The following SPATA17 variants were observed in gnomAD, a reference collection of about 807,000 sequenced individuals.
SPATA17 encodes spermatogenesis-associated protein 17.
In SPATA17, 53 loss-of-function variants were observed where a neutral mutation model predicts 62.2. The ratio of observed to expected loss-of-function variants is 0.85; its 90% CI spans 0.68 to 1.07. The LOEUF (loss-of-function observed/expected upper bound fraction) is 1.07, where lower values mean the gene tolerates loss of function less well. Among genes scored for constraint, SPATA17 ranks in the 50% least tolerant of loss-of-function variants. The pLI, the probability that SPATA17 is intolerant of heterozygous loss-of-function variation, is 0.00. For synonymous variants in SPATA17, 146 were observed against 146.8 expected (o/e 0.99, Z 0.04); for missense variants, 466 against 425.5 (o/e 1.10, Z -0.84).
intron 8 of SPATA17, 75 bp downstream of exon 8, chr1:217,782,397 T>C: frequency 7.1e-7 from 1 of 1,415,818 alleles, no homozygotes; most frequent in East Asian, 2.6e-5. Context: ...TATTTTCTAA[T>C]ACTGTAAAAA....
At chr1:217,730,705 T>C (rs1233336530) in intron 5 of SPATA17, among the ~76,000 whole-genome samples, 1 of 152,172 alleles carries the variant, frequency 6.6e-6, no homozygotes, top group Non-Finnish European at 1.5e-5. Flanking sequence ...TTGTCCAGCT[T>C]TGAGGAACGG....
At chr1:217,795,685 C>A (rs1462005280) in intron 8 of SPATA17, among the ~76,000 whole-genome samples, 1 of 151,926 alleles carries the variant, frequency 6.6e-6, no homozygotes, top group Non-Finnish European at 1.5e-5. Context: ...AGTCTATTGA[C>A]TTCATGGAGC....
chr1:217,667,344 G>C (rs1028285856), intron 3 of SPATA17, among the ~76,000 whole-genome samples: 2 of 151,988 alleles, frequency 1.3e-5, no homozygotes, highest in Non-Finnish European at 2.9e-5. Flanking sequence ...ACCATGCCTG[G>C]CCTAGAATTT....
chr1:217,710,931 C>T (rs1050102385), intron 5 of SPATA17, among the ~76,000 whole-genome samples: 1 of 152,036 alleles, frequency 6.6e-6, no homozygotes, highest in African/African-American at 2.4e-5. Flanking sequence ...CCTTTTATGA[C>T]TTCTTTCACT....
intron 8 of SPATA17, among the ~76,000 whole-genome samples, chr1:217,792,128 T>C (rs752892042): frequency 3.3e-5 from 5 of 152,180 alleles, no homozygotes; most frequent in Admixed American, 6.5e-5. Context: ...AAATTTGTGT[T>C]AGGCTGCATG....
chr1:217,632,248 G>A (rs888834919), intron 1 of SPATA17, among the ~76,000 whole-genome samples: 1 of 151,876 alleles, frequency 6.6e-6, no homozygotes, highest in African/African-American at 2.4e-5. Context: ...ATTCTGACAC[G>A]GTAACTAGTA....
chr1:217,865,679 T>C (rs1321081579), intron 10 of SPATA17, among the ~76,000 whole-genome samples: 2 of 152,118 alleles, frequency 1.3e-5, no homozygotes, highest in Non-Finnish European at 2.9e-5. Context: ...TCTTTAAACA[T>C]TGTTGTGGAG....
intron 7 of SPATA17, among the ~76,000 whole-genome samples, chr1:217,781,934 G>T (rs1466609363): frequency 6.6e-6 from 1 of 152,114 alleles, no homozygotes; most frequent in East Asian, 1.9e-4. Context: ...TTTGATGTAA[G>T]TGGGGAAACT....
At chr1:217,827,075 C>T (rs1675016645) in intron 9 of SPATA17, among the ~76,000 whole-genome samples, 1 of 151,908 alleles carries the variant, frequency 6.6e-6, no homozygotes, top group Admixed American at 6.6e-5. Flanking sequence ...CTCTGTATCT[C>T]ATTTAAAATT....
intron 10 of SPATA17, 103 bp from the exon 11 acceptor site, chr1:217,866,919 G>A (rs1354286393): frequency 6.6e-6 from 1 of 151,012 alleles, no homozygotes; most frequent in Non-Finnish European, 1.5e-5. Context: ...AAGGTGTGAA[G>A]TGAGTGTGAA....
intron 9 of SPATA17, among the ~76,000 whole-genome samples, chr1:217,809,707 C>T (rs1271216965): frequency 1.3e-5 from 2 of 152,118 alleles, no homozygotes; most frequent in East Asian, 1.9e-4. Context: ...ACCCAAACAC[C>T]TCCCACTAGG....
At chr1:217,825,767 A>T (rs566460231) in intron 9 of SPATA17, among the ~76,000 whole-genome samples, 2 of 152,156 alleles carry the variant, frequency 1.3e-5, no homozygotes, top group Admixed American at 6.6e-5. Flanking sequence ...TTTATTATTA[A>T]CCTAAAAGTT....
At chr1:217,854,650 C>G (rs774282903) in intron 9 of SPATA17, among the ~76,000 whole-genome samples, 3 of 152,070 alleles carry the variant, frequency 2.0e-5, no homozygotes, top group Non-Finnish European at 2.9e-5. Flanking sequence ...TACTTTGAAA[C>G]CCAGGTAATT....
chr1:217,724,633 T>G (rs1374054696), intron 5 of SPATA17, among the ~76,000 whole-genome samples: 1 of 152,132 alleles, frequency 6.6e-6, no homozygotes, highest in African/African-American at 2.4e-5. Flanking sequence ...CTAATTTTCA[T>G]AAGAAAAATA....
At chr1:217,721,739 A>T (rs1220845023) in intron 5 of SPATA17, among the ~76,000 whole-genome samples, 1 of 152,182 alleles carries the variant, frequency 6.6e-6, no homozygotes, top group South Asian at 2.1e-4. Context: ...AAAACATGAG[A>T]GTACTAAACT....
chr1:217,748,801 A>G (rs1440409806), intron 6 of SPATA17, among the ~76,000 whole-genome samples: 1 of 151,632 alleles, frequency 6.6e-6, no homozygotes, highest in Non-Finnish European at 1.5e-5. Context: ...TTTCGACTCT[A>G]TCTTTTAAGT....
At chr1:217,674,109 A>C (rs1670893447) in intron 4 of SPATA17, among the ~76,000 whole-genome samples, 1 of 152,154 alleles carries the variant, frequency 6.6e-6, no homozygotes, top group African/African-American at 2.4e-5. Context: ...TTTCCAATAG[A>C]ATGACTCCAG....
intron 9 of SPATA17, among the ~76,000 whole-genome samples, chr1:217,802,473 T>C (rs879683157): frequency 5.9e-5 from 9 of 152,166 alleles, no homozygotes; most frequent in Non-Finnish European, 1.2e-4. Flanking sequence ...TTCTGGAGGC[T>C]GGAAGTCTGA....
intron 9 of SPATA17, among the ~76,000 whole-genome samples, chr1:217,826,783 G>A (rs753100651): frequency 3.3e-5 from 5 of 152,008 alleles, no homozygotes; most frequent in African/African-American, 7.2e-5. Flanking sequence ...ATTGCATTCC[G>A]AAGTGAGATT....
Sources: allele counts gnomAD v4.1 joint callset (sites outside exome capture counted in the v4.1 genomes callset), GRCh38; gene constraint gnomAD v4.1.1; transcripts MANE v1.5; gene names NCBI Gene and HGNC (gene_info 2026-07-23, HGNC 2026-07-21).